MAML3: variants seen among roughly 807,000 people sequenced by gnomAD.
MAML3 encodes the protein mastermind like transcriptional coactivator 3.
In MAML3, 27 loss-of-function variants were observed where a neutral mutation model predicts 101.9. That is an observed-to-expected ratio of 0.27 (90% CI 0.20 to 0.37). MAML3 has a LOEUF of 0.37. Ranked by LOEUF, MAML3 falls within the 10% of genes least tolerant of loss-of-function variation. The pLI is 1.00. For missense variants in MAML3, 1,316 were observed against 1,444.9 expected, an observed-to-expected ratio of 0.91 and a Z score of 1.45; for synonymous variants, 501 against 555.9, an observed-to-expected ratio of 0.90 and a Z score of 1.39.
chr4:139,902,281 A>G (rs991433271), intron 1 of MAML3, among the ~76,000 whole-genome samples: 2 of 151,888 alleles, frequency 1.3e-5, no homozygotes, highest in Non-Finnish European at 2.9e-5. Context: ...ACACGCACAC[A>G]CACACACACG....
intron 2 of MAML3, among the ~76,000 whole-genome samples, chr4:139,762,768 T>C (rs960055806): frequency 5.3e-5 from 8 of 152,156 alleles, no homozygotes; most frequent in African/African-American, 1.9e-4. Context: ...TAGAAATGGT[T>C]GAGAATAAAC....
chr4:139,797,391 A>G (rs913458154), intron 2 of MAML3, among the ~76,000 whole-genome samples: 3 of 152,198 alleles, frequency 2.0e-5, no homozygotes, highest in African/African-American at 7.2e-5. Flanking sequence ...TCACATGGCT[A>G]AAGACACACA....
chr4:139,978,921 GAGCTCTATGACT>G (rs1734395769), intron 1 of MAML3, among the ~76,000 whole-genome samples: 1 of 30,784 alleles, frequency 3.2e-5, no homozygotes, highest in Non-Finnish European at 9.7e-5. Flanking sequence ...CACTTTCAAA[GAGCTCTATGACT>G]ACTTTCAAAG....
At chr4:139,829,634 T>C (rs1731127015) in intron 2 of MAML3, among the ~76,000 whole-genome samples, 1 of 152,124 alleles carries the variant, frequency 6.6e-6, no homozygotes, top group Non-Finnish European at 1.5e-5. Context: ...ACAAGAAAAA[T>C]ACAAATCTTA....
At chr4:140,122,926 A>T (rs1728631709) in intron 1 of MAML3, among the ~76,000 whole-genome samples, 1 of 152,174 alleles carries the variant, frequency 6.6e-6, no homozygotes, top group Non-Finnish European at 1.5e-5. Flanking sequence ...ACCTGCTGGT[A>T]AGGTCTGAGC....
At chr4:139,942,215 A>C (rs912706845) in intron 1 of MAML3, among the ~76,000 whole-genome samples, 6 of 135,752 alleles carry the variant, frequency 4.4e-5, no homozygotes, top group Middle Eastern at 3.7e-3. Context: ...GGCAGGAAGG[A>C]AGACATCCTT....
chr4:140,057,667 A>T (rs148858712), intron 1 of MAML3, among the ~76,000 whole-genome samples: 1 of 152,192 alleles, frequency 6.6e-6, no homozygotes. Context: ...ATTAGTAGTA[A>T]TAATGGGCTG....
chr4:140,148,427 G>GA (rs1246890947), intron 1 of MAML3, among the ~76,000 whole-genome samples: 1 of 152,000 alleles, frequency 6.6e-6, no homozygotes, highest in Non-Finnish European at 1.5e-5. Flanking sequence ...AGAATTAAAA[G>GA]AAAAAAATAC....
intron 2 of MAML3, among the ~76,000 whole-genome samples, chr4:139,883,860 A>C (rs1169948461): frequency 7.9e-6 from 1 of 127,258 alleles, no homozygotes; most frequent in Non-Finnish European, 1.8e-5. Context: ...AGGTTCTTAA[A>C]GTTTTTTTTT....
At chr4:139,898,377 A>G (rs755856011) in intron 1 of MAML3, among the ~76,000 whole-genome samples, 4 of 152,260 alleles carry the variant, frequency 2.6e-5, no homozygotes, top group African/African-American at 9.6e-5. Flanking sequence ...ATACGAAGTG[A>G]TTTGTGGAAA....
In MAML3 at chr4:139,785,972, AG is replaced by A. The variant is rs1168501202; in HGVS notation, c.2080-55306del. Among the ~76,000 whole-genome samples, 1 of 152,132 alleles carries A rather than the reference AG, an allele frequency of 6.6e-6. No homozygotes were observed. Among genetic ancestry groups the A allele is most frequent in the Non-Finnish European group, 1.5e-5 (1 of 68,024 alleles). On this transcript the variant is annotated intron_variant, in intron 2 of 4. Coordinates refer to ENST00000509479, the MANE Select transcript of MAML3 (RefSeq NM_018717.5). This position sits in a 1 kb window ranked among gnomAD's most constrained non-coding sequence, Gnocchi z 4.3. ...TCTCCCACCAAAATTCATATGTTGAAGTCCTAACCCCCAATATCTCAGAATG... is the reference window on the plus strand; with the variant it reads ...TCTCCCACCAAAATTCATATGTTGAATCCTAACCCCCAATATCTCAGAATG...
intron 2 of MAML3, 23 bp from the exon 3 acceptor site, chr4:139,730,690 G>A (rs747954904): frequency 3.8e-6 from 6 of 1,596,754 alleles, no homozygotes; most frequent in Non-Finnish European, 1.7e-6. Flanking sequence ...GAGAGAGGGA[G>A]ATGCAGGGAT....
chr4:139,737,557 A>AT (rs142347866), intron 2 of MAML3, among the ~76,000 whole-genome samples: 36,070 of 151,820 alleles, frequency 0.24, 4,852 homozygotes, highest in African/African-American at 0.37. Flanking sequence ...AATATGCATC[A>AT]TTTTTTTTAA....
intron 1 of MAML3, among the ~76,000 whole-genome samples, chr4:139,901,774 G>A (rs1037188351): frequency 3.3e-5 from 5 of 152,242 alleles, no homozygotes; most frequent in Non-Finnish European, 7.3e-5. Context: ...GAAGGAGGGA[G>A]GCGGGAAGGA....
intron 2 of MAML3, among the ~76,000 whole-genome samples, chr4:139,801,736 G>A (rs1365116079): frequency 6.6e-6 from 1 of 152,000 alleles, no homozygotes; most frequent in Non-Finnish European, 1.5e-5. Flanking sequence ...TCATGTTTGT[G>A]TCTTTGGAAC....
At chr4:139,830,901 G>A (rs1443668111) in intron 2 of MAML3, among the ~76,000 whole-genome samples, 1 of 152,118 alleles carries the variant, frequency 6.6e-6, no homozygotes, top group Non-Finnish European at 1.5e-5. Flanking sequence ...ACTAGCAATG[G>A]AGGTTATAAT....
intron 1 of MAML3, among the ~76,000 whole-genome samples, chr4:140,073,958 C>T (rs1727710321): frequency 6.6e-6 from 1 of 151,620 alleles, no homozygotes; most frequent in Admixed American, 6.6e-5. Flanking sequence ...ATGGTGACAC[C>T]CCATCTCTAC....
At chr4:139,907,920 A>G (rs1033537629) in intron 1 of MAML3, among the ~76,000 whole-genome samples, 1 of 152,218 alleles carries the variant, frequency 6.6e-6, no homozygotes, top group Non-Finnish European at 1.5e-5. Context: ...TAGATACTGG[A>G]CCAGGTTACA....
intron 2 of MAML3, among the ~76,000 whole-genome samples, chr4:139,772,716 C>T (rs6816973): frequency 0.69 from 105,050 of 151,618 alleles, 37,251 homozygotes; most frequent in East Asian, 0.89. Context: ...ACTTCCCAGA[C>T]GTAAAATGAG....
Sources: allele counts gnomAD v4.1 joint callset (sites outside exome capture counted in the v4.1 genomes callset), GRCh38; gene constraint gnomAD v4.1.1; non-coding constraint Gnocchi (gnomAD v3.1); transcripts MANE v1.5; gene names NCBI Gene and HGNC (gene_info 2026-07-23, HGNC 2026-07-21).